Variants in EXTL3 observed in about 807,000 individuals in gnomAD.
The protein encoded by EXTL3 is exostosin like glycosyltransferase 3.
Under a neutral mutation model 69.3 loss-of-function variants are expected in EXTL3, and 27 were observed. That is an observed-to-expected ratio of 0.39 (90% CI 0.29 to 0.54). The LOEUF (loss-of-function observed/expected upper bound fraction) is 0.54. EXTL3 is among the 20% of genes least tolerant of loss of function. The pLI is 0.69. For missense variants in EXTL3, 1,003 were observed against 1,231.8 expected, an observed-to-expected ratio of 0.81 and a Z score of 2.78; for synonymous variants, 511 against 499.4, an observed-to-expected ratio of 1.02 and a Z score of -0.31.
At chr8:28,658,135 T>C (rs1409540173) in intron 1 of EXTL3, among the ~76,000 whole-genome samples, 1 of 152,198 alleles carries the variant, frequency 6.6e-6, no homozygotes, top group African/African-American at 2.4e-5. Context: ...GTGGTCCTGC[T>C]CTCACATTTT....
intron 6 of EXTL3, among the ~76,000 whole-genome samples, chr8:28,749,257 C>G (rs542529689): frequency 3.3e-5 from 5 of 151,812 alleles, no homozygotes; most frequent in African/African-American, 4.8e-5. Context: ...GACTATAAAA[C>G]AAGTAGGCTT....
chr8:28,698,258 A>AT (rs1167387331), upstream of EXTL3: 1 of 152,266 alleles, frequency 6.6e-6, no homozygotes, highest in Non-Finnish European at 1.5e-5. Context: ...AAAGGTAACT[A>AT]TTTTAAACAA....
At chr8:28,690,748 G>C (rs1800602846) in intron 1 of EXTL3, among the ~76,000 whole-genome samples, 1 of 152,200 alleles carries the variant, frequency 6.6e-6, no homozygotes, top group Non-Finnish European at 1.5e-5. Flanking sequence ...GTTTCTCCCA[G>C]AGTGATCTAA....
intron 4 of EXTL3, among the ~76,000 whole-genome samples, chr8:28,736,743 A>G (rs1334614560): frequency 6.6e-6 from 1 of 152,242 alleles, no homozygotes; most frequent in Non-Finnish European, 1.5e-5. Context: ...AATTACATAC[A>G]TGTCCTTCTG....
At chr8:28,637,898 G>T (rs115071612) in intron 1 of EXTL3, among the ~76,000 whole-genome samples, 1 of 152,186 alleles carries the variant, frequency 6.6e-6, no homozygotes, top group African/African-American at 2.4e-5. Context: ...TATTCCCCTG[G>T]CTGCAATGAA....
At chr8:28,718,868 T>TC (rs1255689038) in intron 3 of EXTL3, among the ~76,000 whole-genome samples, 1 of 152,210 alleles carries the variant, frequency 6.6e-6, no homozygotes, top group Non-Finnish European at 1.5e-5. Flanking sequence ...CATTCTTTAC[T>TC]CCATCTCATG....
At chr8:28,649,290 G>T (rs1272934112) in intron 1 of EXTL3, among the ~76,000 whole-genome samples, 2 of 152,188 alleles carry the variant, frequency 1.3e-5, no homozygotes, top group African/African-American at 4.8e-5. Context: ...GCTGGGCTTA[G>T]TGAGTGCACA....
In EXTL3 at chr8:28,753,660, A is replaced by T. The variant is rs1429937579; in HGVS notation, c.*2794A>T. ...TCTTACATTGGATTTTTGTAAAAAA[A>T]TAAAAATAAATGGAGACTTTAACTC... On this transcript the variant is annotated 3_prime_UTR_variant, in exon 7 of 7. Transcript: ENST00000220562. 6.5e-6 allele frequency: 1 copy of T among 152,686 alleles called. No individual in the cohort carries two copies. Among genetic ancestry groups the T allele is most frequent in the African/African-American group, 2.4e-5 (1 of 41,464 alleles). 9.5% of individuals were successfully genotyped at this position (152,686 alleles called of 1,614,324 possible). A position where few individuals can be genotyped will look rare whatever the true frequency, so the allele number is the denominator to read the frequency against.
At chr8:28,671,468 T>A (rs573181028) in intron 1 of EXTL3, among the ~76,000 whole-genome samples, 1 of 151,862 alleles carries the variant, frequency 6.6e-6, no homozygotes, top group South Asian at 2.1e-4. Flanking sequence ...ACCTCTGGAG[T>A]AGGTGAGATT....
At chr8:28,657,418 A>C (rs1807028608) in intron 1 of EXTL3, among the ~76,000 whole-genome samples, 1 of 152,000 alleles carries the variant, frequency 6.6e-6, no homozygotes, top group East Asian at 1.9e-4. Flanking sequence ...GGACAGCTCC[A>C]CTCTGCCTGG....
intron 1 of EXTL3, among the ~76,000 whole-genome samples, chr8:28,635,392 TAAAAAAAAAA>T (rs372980960): frequency 8.7e-6 from 1 of 114,438 alleles, no homozygotes; most frequent in African/African-American, 3.3e-5. Context: ...ACTGGTCTCT[TAAAAAAAAAA>T]AAAAAAAAAA....
intron 5 of EXTL3, among the ~76,000 whole-genome samples, chr8:28,737,964 A>T (rs945730985): frequency 3.9e-5 from 6 of 152,110 alleles, no homozygotes; most frequent in African/African-American, 1.4e-4. Context: ...AGACACCTCA[A>T]ATACCTTCCA....
rs185640343 is a variant in EXTL3 at position 28,703,840 on chromosome 8, A to G, written c.-570+2181A>G. Among the ~76,000 whole-genome samples the G allele has an allele frequency of 1.3e-3, 193 of 152,202 alleles. 2 individuals carry two copies. The highest frequency in any genetic ancestry group is 9.5e-3 in the East Asian group (49 of 5,180). ...AGAAAACTTCTATTAACATATTTCT[A>G]TTTTATTTTTGTTACCCCTTCATTT... On this transcript the variant is annotated intron_variant, in intron 1 of 6. Coordinates refer to ENST00000220562, the MANE Select transcript of EXTL3 (RefSeq NM_001440.4).
At chr8:28,668,865 C>CTTTTT (rs999113088) in intron 1 of EXTL3, among the ~76,000 whole-genome samples, 4 of 94,476 alleles carry the variant, frequency 4.2e-5, no homozygotes, top group Non-Finnish European at 5.8e-5. Flanking sequence ...GATAGAATCT[C>CTTTTT]TTTTTTTTTT....
chr8:28,734,572 C>T (rs1017600866), intron 4 of EXTL3, among the ~76,000 whole-genome samples: 10 of 152,234 alleles, frequency 6.6e-5, no homozygotes, highest in African/African-American at 1.9e-4. Flanking sequence ...ATTAGCGGGG[C>T]GTGTTGGCGT....
At chr8:28,722,736 C>T (rs926521101) in intron 3 of EXTL3, among the ~76,000 whole-genome samples, 11 of 148,684 alleles carry the variant, frequency 7.4e-5, no homozygotes, top group African/African-American at 1.5e-4. Flanking sequence ...ATTGTGCCAC[C>T]GCGCTCCAGC....
At chr8:28,610,652 G>A (rs1010559969) in intron 2 of EXTL3, among the ~76,000 whole-genome samples, 1 of 151,964 alleles carries the variant, frequency 6.6e-6, no homozygotes, top group African/African-American at 2.4e-5. Context: ...CCTATGCGAT[G>A]ATTCTTACTT....
At chr8:28,708,621 A>G (rs1178036289) in intron 1 of EXTL3, among the ~76,000 whole-genome samples, 1 of 152,076 alleles carries the variant, frequency 6.6e-6, no homozygotes, top group Non-Finnish European at 1.5e-5. Context: ...AAACAAAACA[A>G]TCCTCTGAAA....
chr8:28,697,307 CCTG>C (rs1225695099), upstream of EXTL3: 8 of 152,164 alleles, frequency 5.3e-5, no homozygotes. Context: ...ACCAGGATGA[CCTG>C]CTGCTTGGCC....
Sources: gnomAD v4.1 joint callset for allele counts (sites outside exome capture counted in the v4.1 genomes callset) on GRCh38, gnomAD v4.1.1 for gene constraint, MANE v1.5 for transcripts, NCBI Gene and HGNC (gene_info 2026-07-23, HGNC 2026-07-21) for gene names.